ARHGAP10: variants seen among roughly 807,000 people sequenced by gnomAD.
ARHGAP10 encodes the protein Rho GTPase activating protein 10.
ARHGAP10 carries 87 observed loss-of-function variants against 108.6 expected under a neutral mutation model. That is an observed-to-expected ratio of 0.80 (90% CI 0.67 to 0.96). ARHGAP10 has a LOEUF of 0.96. ARHGAP10 is among the 40% of genes least tolerant of loss of function. The pLI is 0.00. For synonymous variants in ARHGAP10, 347 were observed against 341.1 expected (o/e 1.02, Z -0.19); for missense variants, 939 against 954.5 (o/e 0.98, Z 0.21).
intron 1 of ARHGAP10, among the ~76,000 whole-genome samples, chr4:147,771,425 G>A (rs1579024111): frequency 2.0e-5 from 3 of 152,134 alleles, no homozygotes; most frequent in Admixed American, 6.6e-5. Flanking sequence ...GGGTAAATAG[G>A]GTATCTATCA....
intron 19 of ARHGAP10, 96 bp from the exon 20 acceptor site, chr4:148,046,796 A>G: frequency 8.0e-7 from 1 of 1,245,682 alleles, no homozygotes; most frequent in Non-Finnish European, 1.1e-6. Flanking sequence ...TAATTTTATC[A>G]TTTGATTGAC....
chr4:147,814,703 C>T (rs989125828), intron 1 of ARHGAP10, among the ~76,000 whole-genome samples: 12 of 152,176 alleles, frequency 7.9e-5, no homozygotes, highest in African/African-American at 2.9e-4. Context: ...CTTCCATGAT[C>T]TTTAAAAACA....
intron 7 of ARHGAP10, among the ~76,000 whole-genome samples, chr4:147,872,455 T>C (rs764301242): frequency 2.0e-5 from 3 of 152,100 alleles, no homozygotes; most frequent in African/African-American, 4.8e-5. Flanking sequence ...GATAAAGAAG[T>C]AGTGATTGTG....
At chr4:147,797,680 G>A (rs1450378774) in intron 1 of ARHGAP10, among the ~76,000 whole-genome samples, 1 of 152,094 alleles carries the variant, frequency 6.6e-6, no homozygotes, top group African/African-American at 2.4e-5. Context: ...CAGAGTGCTG[G>A]GATTACAAGC....
chr4:147,852,018 T>C (rs1270325676), intron 4 of ARHGAP10, among the ~76,000 whole-genome samples: 1 of 152,158 alleles, frequency 6.6e-6, no homozygotes, highest in East Asian at 1.9e-4. Context: ...TTACGACACT[T>C]GTCTCAGGAG....
chr4:147,762,688 C>A (rs1729640872), intron 1 of ARHGAP10, among the ~76,000 whole-genome samples: 1 of 149,474 alleles, frequency 6.7e-6, no homozygotes, highest in South Asian at 2.1e-4. Flanking sequence ...TGCCACCACG[C>A]CCGGCTAATT....
At chr4:147,970,071 C>T (rs1027684230) in intron 18 of ARHGAP10, among the ~76,000 whole-genome samples, 2 of 151,990 alleles carry the variant, frequency 1.3e-5, no homozygotes, top group African/African-American at 4.8e-5. Flanking sequence ...CTCGCCTTGT[C>T]TCTCCCATTT....
At chr4:148,021,428 T>C (rs929065561) in intron 18 of ARHGAP10, among the ~76,000 whole-genome samples, 2 of 152,250 alleles carry the variant, frequency 1.3e-5, no homozygotes, top group Non-Finnish European at 2.9e-5. Flanking sequence ...TTTTCATTGC[T>C]AATTTATGCT....
intron 18 of ARHGAP10, among the ~76,000 whole-genome samples, chr4:148,000,870 T>G (rs992549379): frequency 1.6e-4 from 25 of 152,272 alleles, no homozygotes; most frequent in East Asian, 3.9e-4. Context: ...CTCCCATTCT[T>G]TAGGTTGCCT....
intron 13 of ARHGAP10, among the ~76,000 whole-genome samples, chr4:147,932,775 A>G (rs1004920163): frequency 2.0e-5 from 3 of 152,194 alleles, no homozygotes; most frequent in East Asian, 1.9e-4. Flanking sequence ...TGTAACCTGT[A>G]CATCCTGCAC....
At chr4:147,735,646 A>C (rs979804475) in intron 1 of ARHGAP10, among the ~76,000 whole-genome samples, 1 of 152,198 alleles carries the variant, frequency 6.6e-6, no homozygotes, top group African/African-American at 2.4e-5. Flanking sequence ...CTGACATAAT[A>C]GCAAAGAGAT....
chr4:148,052,364 C>G (rs906133575), intron 20 of ARHGAP10, among the ~76,000 whole-genome samples: 2 of 99,674 alleles, frequency 2.0e-5, no homozygotes, highest in African/African-American at 3.8e-5. Context: ...AAAGATTTAT[C>G]TTTTAAAAGT....
intron 3 of ARHGAP10, among the ~76,000 whole-genome samples, chr4:147,832,646 CAAAAAA>C (rs776184630): frequency 3.1e-5 from 2 of 63,516 alleles, no homozygotes; most frequent in Admixed American, 2.5e-4. Context: ...GACTCTGTCT[CAAAAAA>C]AAAAAAAAAA....
At chr4:148,065,846 A>G (rs1478469513) in intron 22 of ARHGAP10, among the ~76,000 whole-genome samples, 16 of 152,122 alleles carry the variant, frequency 1.1e-4, no homozygotes, top group South Asian at 2.1e-4. Flanking sequence ...GTTTGAATCA[A>G]TCATGAAGAT....
intron 9 of ARHGAP10, among the ~76,000 whole-genome samples, chr4:147,879,711 C>T (rs74356019): frequency 6.6e-6 from 1 of 151,776 alleles, no homozygotes; most frequent in Non-Finnish European, 1.5e-5. Context: ...AGCCCCCTCA[C>T]AGACCCCAGT....
intron 8 of ARHGAP10, among the ~76,000 whole-genome samples, chr4:147,876,358 C>T (rs369465113): frequency 1.3e-5 from 2 of 152,032 alleles, no homozygotes; most frequent in Admixed American, 6.6e-5. Flanking sequence ...TCTGGGAGGC[C>T]GAGGTGGGCA....
At chr4:147,793,911 C>T (rs1239527980) in intron 1 of ARHGAP10, among the ~76,000 whole-genome samples, 3 of 152,178 alleles carry the variant, frequency 2.0e-5, no homozygotes, top group Non-Finnish European at 4.4e-5. Context: ...GTAGGTTCAG[C>T]ACCTTAAAAA....
intron 13 of ARHGAP10, among the ~76,000 whole-genome samples, chr4:147,934,965 A>G (rs1403034895): frequency 6.6e-6 from 1 of 152,174 alleles, no homozygotes; most frequent in Non-Finnish European, 1.5e-5. Flanking sequence ...GAAGGTTTAG[A>G]TGGGAATTTT....
At chr4:147,898,020 A>T (rs1233365977) in intron 10 of ARHGAP10, among the ~76,000 whole-genome samples, 1 of 151,416 alleles carries the variant, frequency 6.6e-6, no homozygotes, top group South Asian at 2.1e-4. Flanking sequence ...CGCCTGGCTA[A>T]TTTTTTGTAT....
Sources: gnomAD v4.1 joint callset for allele counts (sites outside exome capture counted in the v4.1 genomes callset) on GRCh38, gnomAD v4.1.1 for gene constraint, MANE v1.5 for transcripts, NCBI Gene and HGNC (gene_info 2026-07-23, HGNC 2026-07-21) for gene names.